Variants in FNIP1 observed in about 807,000 individuals in gnomAD.
FNIP1 encodes folliculin-interacting protein 1.
In FNIP1, 40 loss-of-function variants were observed where a neutral mutation model predicts 124.5. The observed-to-expected ratio is 0.32, with a 90% CI of 0.25 to 0.42. FNIP1 has a LOEUF of 0.42. Ranked by LOEUF, FNIP1 falls within the 10% of genes least tolerant of loss-of-function variation. The pLI, the probability that FNIP1 is intolerant of heterozygous loss-of-function variation, is 1.00. For synonymous variants in FNIP1, 472 were observed against 470.6 expected (o/e 1.00, Z -0.04); for missense variants, 1,176 against 1,403.7 (o/e 0.84, Z 2.59).
At chr5:131,693,329 T>TAC (rs1453464422) in intron 11 of FNIP1, among the ~76,000 whole-genome samples, 7 of 59,332 alleles carry the variant, frequency 1.2e-4, no homozygotes, top group East Asian at 4.2e-4. Flanking sequence ...CATATATATA[T>TAC]ATACATATAT....
At chr5:131,666,538 G>A (rs1767609876) in intron 15 of FNIP1, among the ~76,000 whole-genome samples, 1 of 152,132 alleles carries the variant, frequency 6.6e-6, no homozygotes, top group African/African-American at 2.4e-5. Context: ...GTAACAGTAT[G>A]GCATAGCAGC....
chr5:131,719,857 A>C (rs1769598838), intron 3 of FNIP1, among the ~76,000 whole-genome samples: 1 of 152,234 alleles, frequency 6.6e-6, no homozygotes, highest in Non-Finnish European at 1.5e-5. Flanking sequence ...TGTATATAAG[A>C]AGCATCCATA....
In FNIP1 at chr5:131,660,814, T is replaced by C. The variant is rs189779584; in HGVS notation, c.3109-8815A>G. Among the ~76,000 whole-genome samples the C allele has an allele frequency of 1.6e-3, 239 of 152,318 alleles. 1 individual carries two copies. Among genetic ancestry groups the C allele is most frequent in the African/African-American group, 5.4e-3 (224 of 41,576 alleles). The stretch of plus-strand genomic sequence containing the variant: ...CGGTGTGGTAGTCCCCCACCGGCAA[T>C]AGATCCAGAGGCCAGCCCAAGTGGC... On this transcript the variant is annotated intron_variant, in intron 15 of 17. Transcript: ENST00000510461.
intron 15 of FNIP1, among the ~76,000 whole-genome samples, chr5:131,663,894 G>A (rs192111975): frequency 4.1e-4 from 62 of 152,314 alleles, no homozygotes; most frequent in Non-Finnish European, 7.4e-4. Context: ...AAAAAAGAAT[G>A]TGGTTTTGAT....
At chr5:131,690,056 T>C (rs1430004565) in intron 11 of FNIP1, among the ~76,000 whole-genome samples, 1 of 151,600 alleles carries the variant, frequency 6.6e-6, no homozygotes, top group African/African-American at 2.4e-5. Context: ...CCATCTCTAC[T>C]AAAAATACAA....
chr5:131,706,388 C>T (rs768508118), intron 9 of FNIP1, 23 bp downstream of exon 9: 2 of 1,596,546 alleles, frequency 1.3e-6, no homozygotes, highest in Non-Finnish European at 1.7e-6. Flanking sequence ...CAATCTTGTT[C>T]TGTGTTTAAA....
intron 3 of FNIP1, among the ~76,000 whole-genome samples, chr5:131,729,744 A>T (rs896160155): frequency 1.0e-4 from 15 of 148,544 alleles, no homozygotes; most frequent in Non-Finnish European, 1.8e-4. Flanking sequence ...CACACAGCTA[A>T]TTTTTTTTTT....
In FNIP1 at chr5:131,690,131, G is replaced by A. The variant is rs188198668; in HGVS notation, c.1202+8786C>T. 3.2e-3 allele frequency among the ~76,000 whole-genome samples: 483 copies of A among 152,220 alleles called. 3 individuals carry two copies. The highest frequency in any genetic ancestry group is 0.011 in the African/African-American group (458 of 41,522). On this transcript the variant is annotated intron_variant, in intron 11 of 17. Transcript: ENST00000510461. ...CCAGCTACTCAGGAGGCTGAGGCAG[G>A]AGAATGGTGTGAACCCGGGAGGCGG...
At chr5:131,740,977 A>G (rs1414163267) in intron 2 of FNIP1, among the ~76,000 whole-genome samples, 1 of 151,602 alleles carries the variant, frequency 6.6e-6, no homozygotes, top group Admixed American at 6.6e-5. Flanking sequence ...ATTACAGTAT[A>G]TGGTGTAAAA....
intron 11 of FNIP1, among the ~76,000 whole-genome samples, chr5:131,693,343 T>TAC (rs1768572008): frequency 3.1e-5 from 4 of 129,296 alleles, no homozygotes; most frequent in Non-Finnish European, 6.5e-5. Context: ...CATATATATA[T>TAC]ATATATATAT....
chr5:131,755,578 A>C (rs1771023569), intron 1 of FNIP1, among the ~76,000 whole-genome samples: 1 of 152,160 alleles, frequency 6.6e-6, no homozygotes, highest in Admixed American at 6.6e-5. Flanking sequence ...GAATGTGAAG[A>C]ACTAATAAAC....
chr5:131,712,439 G>A (rs533464531), intron 6 of FNIP1, among the ~76,000 whole-genome samples: 3 of 152,072 alleles, frequency 2.0e-5, no homozygotes, highest in South Asian at 2.1e-4. Context: ...GGGGGTCTGC[G>A]AAGTCCTCCA....
intron 15 of FNIP1, among the ~76,000 whole-genome samples, chr5:131,660,848 T>A (rs1264214329): frequency 2.0e-5 from 3 of 152,174 alleles, no homozygotes; most frequent in Non-Finnish European, 4.4e-5. Context: ...GCTGCGTAGT[T>A]CTCTTGGACT....
intron 9 of FNIP1, among the ~76,000 whole-genome samples, chr5:131,705,018 A>C (rs907293571): frequency 1.3e-5 from 2 of 152,202 alleles, no homozygotes; most frequent in African/African-American, 2.4e-5. Context: ...ATGTAAAAAA[A>C]ATTTACAAAT....
intron 15 of FNIP1, among the ~76,000 whole-genome samples, chr5:131,653,281 T>C (rs1767095976): frequency 6.6e-6 from 1 of 152,004 alleles, no homozygotes; most frequent in Non-Finnish European, 1.5e-5. Flanking sequence ...TTCACGCCTA[T>C]AATGCAGGCA....
At chr5:131,659,796 C>T (rs999053762) in intron 15 of FNIP1, among the ~76,000 whole-genome samples, 4 of 152,142 alleles carry the variant, frequency 2.6e-5, no homozygotes, top group Non-Finnish European at 5.9e-5. Context: ...TCAGGGGGAC[C>T]TCAGTCAGCA....
chr5:131,688,296 A>C (rs889491119), intron 11 of FNIP1, among the ~76,000 whole-genome samples: 3 of 151,656 alleles, frequency 2.0e-5, no homozygotes, highest in Non-Finnish European at 4.4e-5. Flanking sequence ...AAATAAAAAA[A>C]AAAAAAAGGA....
chr5:131,729,953 C>A (rs547078554), intron 3 of FNIP1, among the ~76,000 whole-genome samples: 2 of 151,750 alleles, frequency 1.3e-5, no homozygotes, highest in South Asian at 4.2e-4. Context: ...GTTGGTCAGG[C>A]TGGTCTCGAA....
chr5:131,641,830 A>C lies in FNIP1; in HGVS notation c.*2855T>G, dbSNP rs1389178041. 1 of 152,770 alleles carries C rather than the reference A, an allele frequency of 6.5e-6. No homozygotes were observed. Among genetic ancestry groups the C allele is most frequent in the East Asian group, 1.9e-4 (1 of 5,342 alleles). 9.5% of individuals were successfully genotyped at this position (152,770 alleles called of 1,614,324 possible). ...CAAGAAACAGCTATGTACATATCCA[A>C]CATCTAAGTAACTTAGAAAAAGCAG... On this transcript the variant is annotated 3_prime_UTR_variant, in exon 18 of 18. Transcript: ENST00000510461.
Sources: allele counts gnomAD v4.1 joint callset (sites outside exome capture counted in the v4.1 genomes callset), GRCh38; gene constraint gnomAD v4.1.1; transcripts MANE v1.5; gene names NCBI Gene and HGNC (gene_info 2026-07-23, HGNC 2026-07-21).